The following DMD variants were observed in gnomAD, a reference collection of about 807,000 sequenced individuals.
The protein encoded by DMD is mutant dystrophin.
DMD carries 63 observed loss-of-function variants against 330.1 expected under a neutral mutation model. That is an observed-to-expected ratio of 0.19 (90% CI 0.16 to 0.24). The LOEUF (loss-of-function observed/expected upper bound fraction) is 0.24, where lower values mean the gene tolerates loss of function less well. Among genes scored for constraint, DMD ranks in the 10% least tolerant of loss-of-function variants. DMD has a pLI of 1.00. For synonymous variants in DMD, 1,223 were observed against 959.8 expected (o/e 1.27, Z -5.07); for missense variants, 3,344 against 2,684.1 (o/e 1.25, Z -5.43).
intron 53 of DMD, among the ~76,000 whole-genome samples, chrX:31,672,008 A>AT (rs2081827876): frequency 9.0e-6 from 1 of 111,297 alleles, no homozygotes; most frequent in Non-Finnish European, 1.9e-5. Flanking sequence ...CTGATTTCAG[A>AT]TCTTTTTCCT....
At chrX:32,434,254 G>A (rs1381145120) in intron 29 of DMD, among the ~76,000 whole-genome samples, 1 of 111,348 alleles carries the variant, frequency 9.0e-6, no homozygotes, top group South Asian at 3.7e-4. Context: ...TTAAAAAATA[G>A]GTTAAGGCTC....
Position 32,348,530 on chromosome X carries a change from T to A in DMD, c.5326-2A>T, listed in dbSNP as rs771473685. ...CAATTCCTTCAAAGGAATGGAGGCC[T>A]AAAAAAAAAGATAGTGCTACTTTAA... On this transcript the variant is annotated splice_acceptor_variant, in intron 37 of 78. Coordinates refer to ENST00000357033, the MANE Select transcript of DMD (RefSeq NM_004006.3). LOFTEE classifies it high-confidence loss of function. The A allele has an allele frequency of 2.5e-6, 3 of 1,178,855 alleles. No homozygotes were observed. Among genetic ancestry groups the A allele is most frequent in the South Asian group, 3.7e-5 (2 of 54,418 alleles).
chrX:32,080,535 T>C (rs1369759566), intron 44 of DMD, among the ~76,000 whole-genome samples: 7 of 112,506 alleles, frequency 6.2e-5, no homozygotes, highest in Non-Finnish European at 9.4e-5. Context: ...CCCCAGTATT[T>C]GAATTGTCTA....
chrX:31,751,530 T>G (rs1478561242), intron 51 of DMD, among the ~76,000 whole-genome samples: 1 of 111,904 alleles, frequency 8.9e-6, no homozygotes, highest in Non-Finnish European at 1.9e-5. Flanking sequence ...TCTAACTTCA[T>G]TTCCAGCTGG....
At chrX:32,838,827 G>A (rs990716797) in intron 4 of DMD, among the ~76,000 whole-genome samples, 1 of 111,864 alleles carries the variant, frequency 8.9e-6, no homozygotes, top group Non-Finnish European at 1.9e-5. Flanking sequence ...ACTGTTGGTG[G>A]GAATGTAAAT....
rs1342943875 is a variant in DMD, at chrX:32,411,812, C to T, written c.4173G>A (p.Lys1391=). The change falls in exon 30 of 79, where the codon AAG becomes AAA. Residue 1391 remains lysine (K), a synonymous_variant. Coordinates refer to ENST00000357033, the MANE Select transcript of DMD (RefSeq NM_004006.3). ...TGTCTGCAATATAAGCTGCCAACTG[C>T]TTGTCAATGAATGTGAGGGACTCCT... ...LIQESLTFID[K]QLAAYIADKV... is the part of the protein sequence containing the mutation. The T allele has an allele frequency of 4.1e-6, 5 of 1,211,323 alleles. No homozygotes were observed. Among genetic ancestry groups the T allele is most frequent in the Admixed American group, 2.2e-5 (1 of 45,978 alleles).
rs1202905265 is a variant in DMD at position 32,824,796 on chromosome X, A to T, written c.265-1409T>A. Among the ~76,000 whole-genome samples the T allele has an allele frequency of 2.8e-4, 31 of 111,829 alleles. 1 individual carries two copies. The highest frequency in any genetic ancestry group is 9.4e-5 in the Non-Finnish European group (5 of 53,122). ...TGAGTAAAGCTGGGAAAATCTGAAT[A>T]CTATTGGTGGTTTTATGAATGTTGA... On this transcript the variant is annotated intron_variant, in intron 4 of 78. Transcript: ENST00000357033.
intron 55 of DMD, among the ~76,000 whole-genome samples, chrX:31,510,538 C>T (rs1265566991): frequency 2.3e-5 from 2 of 87,512 alleles, no homozygotes; most frequent in Non-Finnish European, 4.2e-5. Flanking sequence ...GACAGAGTCT[C>T]GCTCTGTCAC....
intron 13 of DMD, among the ~76,000 whole-genome samples, chrX:32,592,332 G>A (rs2055015012): frequency 9.0e-6 from 1 of 110,702 alleles, no homozygotes; most frequent in Non-Finnish European, 1.9e-5. Context: ...TCCCTTCCGA[G>A]CCCATAAAAA....
chrX:32,655,850 T>G (rs2060528496), intron 9 of DMD, among the ~76,000 whole-genome samples: 1 of 111,755 alleles, frequency 8.9e-6, no homozygotes, highest in African/African-American at 3.3e-5. Context: ...ATATTTAGGA[T>G]AGTTAGCTCT....
intron 43 of DMD, among the ~76,000 whole-genome samples, chrX:32,226,992 G>C (rs2097150106): frequency 9.3e-6 from 1 of 107,919 alleles, no homozygotes; most frequent in Non-Finnish European, 1.9e-5. Flanking sequence ...ATCCTAAAAA[G>C]AATACACTTT....
chrX:33,062,757 G>A (rs1364555081), intron 1 of DMD, among the ~76,000 whole-genome samples: 6 of 112,870 alleles, frequency 5.3e-5, no homozygotes, highest in Non-Finnish European at 1.1e-4. Flanking sequence ...GATAACAGGC[G>A]TGCGCCATTG....
intron 11 of DMD, among the ~76,000 whole-genome samples, chrX:32,631,075 C>A (rs923763519): frequency 8.9e-6 from 1 of 112,184 alleles, no homozygotes; most frequent in Non-Finnish European, 1.9e-5. Flanking sequence ...AATGCTGTGA[C>A]TCTTGCAGAC....
At chrX:32,719,218 AAAT>A (rs2066019112) in intron 7 of DMD, among the ~76,000 whole-genome samples, 1 of 112,123 alleles carries the variant, frequency 8.9e-6, no homozygotes, top group Non-Finnish European at 1.9e-5. Context: ...GATGAATTGA[AAAT>A]AATAATTAAT....
intron 16 of DMD, among the ~76,000 whole-genome samples, chrX:32,546,424 G>C (rs1330468631): frequency 1.8e-5 from 2 of 110,004 alleles, no homozygotes; most frequent in Non-Finnish European, 3.8e-5. Context: ...TTGCCAAGAG[G>C]TAAGGGAAGG....
chrX:32,824,887 A>T, intron 4 of DMD, among the ~76,000 whole-genome samples: 1 of 111,700 alleles, frequency 9.0e-6, no homozygotes, highest in Non-Finnish European at 1.9e-5. Context: ...GAGATTGATC[A>T]TTCAAGAATA....
At chrX:31,178,552 A>G (rs2040803034) in intron 70 of DMD, 117 bp downstream of exon 70, 1 of 1,059,482 alleles carries the variant, frequency 9.4e-7, no homozygotes, top group Non-Finnish European at 1.2e-6. Flanking sequence ...GCTAATGTAA[A>G]TAAAAAGAAA....
intron 2 of DMD, among the ~76,000 whole-genome samples, chrX:32,859,055 T>C (rs976254743): frequency 9.9e-5 from 11 of 111,384 alleles, no homozygotes; most frequent in African/African-American, 3.6e-4. Context: ...CTGCAACACA[T>C]AGGAACGTTA....
intron 54 of DMD, among the ~76,000 whole-genome samples, chrX:31,642,925 T>C (rs16989740): frequency 0.037 from 4,144 of 112,211 alleles, 181 homozygotes; most frequent in African/African-American, 0.12. Context: ...TTGATCTGAC[T>C]ATCTGTTCGC....
Sources: gnomAD v4.1 joint callset for allele counts (sites outside exome capture counted in the v4.1 genomes callset) on GRCh38, gnomAD v4.1.1 for gene constraint, MANE v1.5 for transcripts, NCBI Gene and HGNC (gene_info 2026-07-23, HGNC 2026-07-21) for gene names.